CNTNAP2: variants seen among roughly 807,000 people sequenced by gnomAD.
CNTNAP2 encodes the protein contactin associated protein 2, also known as contactin-associated protein-like 2.
CNTNAP2 carries 98 observed loss-of-function variants against 155.2 expected under a neutral mutation model. That is an observed-to-expected ratio of 0.63 (90% CI 0.54 to 0.75). The LOEUF (loss-of-function observed/expected upper bound fraction) is 0.75. Ranked by LOEUF, CNTNAP2 falls within the 30% of genes least tolerant of loss-of-function variation. The pLI, the probability that CNTNAP2 is intolerant of heterozygous loss-of-function variation, is 0.00. For missense variants in CNTNAP2, 1,727 were observed against 1,688.1 expected (o/e 1.02, Z -0.40); for synonymous variants, 651 against 631.2 (o/e 1.03, Z -0.47).
chr7:146,629,152 T>A (rs1799468469), intron 1 of CNTNAP2, among the ~76,000 whole-genome samples: 1 of 152,180 alleles, frequency 6.6e-6, no homozygotes, highest in Admixed American at 6.6e-5. Flanking sequence ...CTGAATGTCA[T>A]ATGCTCCAAA....
At chr7:146,147,019 G>A (rs1387685349) in intron 1 of CNTNAP2, among the ~76,000 whole-genome samples, 1 of 152,086 alleles carries the variant, frequency 6.6e-6, no homozygotes, top group Non-Finnish European at 1.5e-5. Flanking sequence ...GTCTTTAAAA[G>A]AAAGAAGCTG....
intron 13 of CNTNAP2, among the ~76,000 whole-genome samples, chr7:147,789,183 A>T (rs1246948259): frequency 6.6e-6 from 1 of 152,150 alleles, no homozygotes. Context: ...CTGGGATTAC[A>T]GGCGTGAGCC....
At chr7:147,633,497 G>A (rs1440147063) in intron 12 of CNTNAP2, among the ~76,000 whole-genome samples, 4 of 152,134 alleles carry the variant, frequency 2.6e-5, no homozygotes, top group African/African-American at 9.7e-5. Flanking sequence ...CCATTGGAAA[G>A]GCATGATTGT....
chr7:146,352,286 G>A (rs1265727591), intron 1 of CNTNAP2, among the ~76,000 whole-genome samples: 1 of 152,174 alleles, frequency 6.6e-6, no homozygotes, highest in African/African-American at 2.4e-5. Flanking sequence ...ATAAAACAAT[G>A]TTTTTAATAC....
At chr7:146,776,356 T>C (rs1324660830) in intron 2 of CNTNAP2, among the ~76,000 whole-genome samples, 1 of 152,178 alleles carries the variant, frequency 6.6e-6, no homozygotes, top group Non-Finnish European at 1.5e-5. Flanking sequence ...TCAGTAAATT[T>C]GGGCAAGTCA....
intron 13 of CNTNAP2, among the ~76,000 whole-genome samples, chr7:147,814,651 A>G (rs1798238049): frequency 6.6e-6 from 1 of 152,170 alleles, no homozygotes. Context: ...TTAGTATAGC[A>G]CTTTTACATG....
intron 9 of CNTNAP2, among the ~76,000 whole-genome samples, chr7:147,384,897 C>T (rs2116938023): frequency 6.6e-6 from 1 of 152,324 alleles, no homozygotes; most frequent in Middle Eastern, 3.4e-3. Context: ...TTGTATTAGT[C>T]TCTTTTCACA....
intron 10 of CNTNAP2, among the ~76,000 whole-genome samples, chr7:147,444,094 T>C (rs1003676821): frequency 1.8e-4 from 27 of 152,214 alleles, no homozygotes; most frequent in African/African-American, 6.3e-4. Flanking sequence ...GGCAAGGGCA[T>C]TAATCATCTG....
chr7:146,723,499 A>G (rs1801375359), intron 1 of CNTNAP2, among the ~76,000 whole-genome samples: 1 of 152,220 alleles, frequency 6.6e-6, no homozygotes, highest in South Asian at 2.1e-4. Flanking sequence ...CTATCACAAA[A>G]TATTCACAAA....
intron 8 of CNTNAP2, among the ~76,000 whole-genome samples, chr7:147,190,947 T>C (rs2116523079): frequency 6.6e-6 from 1 of 152,310 alleles, no homozygotes; most frequent in East Asian, 1.9e-4. Flanking sequence ...AAGCCCATTA[T>C]GGTTTCCAAA....
intron 3 of CNTNAP2, among the ~76,000 whole-genome samples, chr7:146,928,645 C>T (rs554241803): frequency 1.2e-4 from 19 of 152,300 alleles, no homozygotes; most frequent in Middle Eastern, 6.8e-3. Context: ...TTGCCTCACT[C>T]GGGAAGCACA....
chr7:147,811,036 CTTAG>C (rs1360932838), intron 13 of CNTNAP2, among the ~76,000 whole-genome samples: 1 of 152,132 alleles, frequency 6.6e-6, no homozygotes, highest in Non-Finnish European at 1.5e-5. Flanking sequence ...GGCATGTAAC[CTTAG>C]TTAGTCTTGT....
chr7:146,451,826 A>G (rs1006966170), intron 1 of CNTNAP2, among the ~76,000 whole-genome samples: 11 of 64,512 alleles, frequency 1.7e-4, no homozygotes, highest in Middle Eastern at 9.6e-3. Flanking sequence ...ATATATACGT[A>G]TATATATACA....
intron 1 of CNTNAP2, among the ~76,000 whole-genome samples, chr7:146,508,253 G>A (rs1366580580): frequency 6.6e-6 from 1 of 152,206 alleles, no homozygotes; most frequent in African/African-American, 2.4e-5. Context: ...AGGACCTGGG[G>A]CCAGTGATAC....
At chr7:148,054,994 T>G (rs1434594006) in intron 15 of CNTNAP2, among the ~76,000 whole-genome samples, 1 of 151,538 alleles carries the variant, frequency 6.6e-6, no homozygotes, top group Non-Finnish European at 1.5e-5. Context: ...GCGATTCTCC[T>G]GCCTCAGCCT....
intron 19 of CNTNAP2, among the ~76,000 whole-genome samples, chr7:148,223,205 C>A (rs1795783553): frequency 6.6e-6 from 1 of 152,180 alleles, no homozygotes; most frequent in South Asian, 2.1e-4. Context: ...TCATTCTAGG[C>A]TGAGATCAAG....
At chr7:147,248,308 G>A (rs1297525966) in intron 8 of CNTNAP2, among the ~76,000 whole-genome samples, 1 of 152,088 alleles carries the variant, frequency 6.6e-6, no homozygotes, top group Non-Finnish European at 1.5e-5. Flanking sequence ...ATAGTTAAAA[G>A]AGACTGAGAC....
intron 13 of CNTNAP2, among the ~76,000 whole-genome samples, chr7:147,716,016 A>C (rs1197567448): frequency 1.3e-5 from 2 of 152,142 alleles, no homozygotes; most frequent in African/African-American, 4.8e-5. Context: ...ATTGGGTATA[A>C]TTAGGTTTTT....
chr7:147,427,174 T>G (rs185171973), intron 10 of CNTNAP2, among the ~76,000 whole-genome samples: 1 of 152,156 alleles, frequency 6.6e-6, no homozygotes, highest in Admixed American at 6.5e-5. Context: ...AAAGAGAGTG[T>G]TCCATGTATT....
Sources: allele counts gnomAD v4.1 joint callset (sites outside exome capture counted in the v4.1 genomes callset), GRCh38; gene constraint gnomAD v4.1.1; transcripts MANE v1.5; gene names NCBI Gene and HGNC (gene_info 2026-07-23, HGNC 2026-07-21).